Variants in RBFOX1 observed in about 807,000 individuals in gnomAD.
RBFOX1 encodes the protein RNA binding protein fox-1 homolog 1.
Under a neutral mutation model 57.7 loss-of-function variants are expected in RBFOX1, and 8 were observed. The observed-to-expected ratio is 0.14, with a 90% CI of 0.08 to 0.25. The LOEUF (loss-of-function observed/expected upper bound fraction) is 0.25. RBFOX1 is among the 10% of genes least tolerant of loss of function. The pLI is 1.00. For synonymous variants in RBFOX1, 326 were observed against 222.4 expected (o/e 1.47, Z -4.15); for missense variants, 611 against 548.5 (o/e 1.11, Z -1.14).
At chr16:5,421,345 G>C (rs1223910946) in intron 1 of RBFOX1, among the ~76,000 whole-genome samples, 1 of 152,196 alleles carries the variant, frequency 6.6e-6, no homozygotes, top group Admixed American at 6.5e-5. Context: ...ATGGGATTCT[G>C]TGAAGGCAGC....
At chr16:6,318,669 G>A (rs1027050178) in intron 2 of RBFOX1, among the ~76,000 whole-genome samples, 8 of 152,064 alleles carry the variant, frequency 5.3e-5, no homozygotes, top group African/African-American at 1.9e-4. Flanking sequence ...TGGTCCCTAA[G>A]ATAATTAGTA....
chr16:5,906,705 C>T (rs976945652), intron 4 of RBFOX1, among the ~76,000 whole-genome samples: 1 of 144,734 alleles, frequency 6.9e-6, no homozygotes, highest in Non-Finnish European at 1.5e-5. Context: ...CCAGCAGCCG[C>T]TGAAGCCATG....
intron 4 of RBFOX1, among the ~76,000 whole-genome samples, chr16:5,995,628 G>A (rs1322848784): frequency 6.6e-6 from 1 of 152,194 alleles, no homozygotes; most frequent in Non-Finnish European, 1.5e-5. Context: ...TGGACAGACA[G>A]AAATCCTGGA....
At chr16:5,258,941 G>A (rs1392787895) in intron 1 of RBFOX1, among the ~76,000 whole-genome samples, 1 of 151,874 alleles carries the variant, frequency 6.6e-6, no homozygotes, top group Non-Finnish European at 1.5e-5. Context: ...TCTCACTGTG[G>A]TCTTATAATA....
intron 3 of RBFOX1, among the ~76,000 whole-genome samples, chr16:6,979,234 A>T (rs1298629343): frequency 1.3e-5 from 2 of 152,176 alleles, no homozygotes; most frequent in African/African-American, 4.8e-5. Flanking sequence ...GTAAGAGGTG[A>T]ATAAGAGAAA....
chr16:6,907,366 A>C (rs1357377502), intron 3 of RBFOX1, among the ~76,000 whole-genome samples: 1 of 152,170 alleles, frequency 6.6e-6, no homozygotes, highest in Non-Finnish European at 1.5e-5. Context: ...TCCTTGAGAG[A>C]ATGGCGGTAT....
At chr16:7,140,998 A>T (rs2073613095) in intron 4 of RBFOX1, among the ~76,000 whole-genome samples, 1 of 152,170 alleles carries the variant, frequency 6.6e-6, no homozygotes, top group Non-Finnish European at 1.5e-5. Flanking sequence ...CCTCGTTGGA[A>T]GTAATAATGA....
intron 1 of RBFOX1, among the ~76,000 whole-genome samples, chr16:5,329,245 T>A (rs904113201): frequency 2.0e-5 from 3 of 152,256 alleles, no homozygotes; most frequent in Middle Eastern, 3.4e-3. Flanking sequence ...AGAGGTTTAA[T>A]TGTCTCATGG....
intron 1 of RBFOX1, among the ~76,000 whole-genome samples, chr16:6,098,580 C>A (rs1273886950): frequency 6.6e-6 from 1 of 152,218 alleles, no homozygotes; most frequent in African/African-American, 2.4e-5. Flanking sequence ...AGAAACCCTG[C>A]TTCAGTCTTT....
chr16:7,180,785 GA>G (rs2082547656), intron 4 of RBFOX1, among the ~76,000 whole-genome samples: 1 of 151,522 alleles, frequency 6.6e-6, no homozygotes, highest in African/African-American at 2.4e-5. Flanking sequence ...TTACCACAGG[GA>G]AAGTTTATTT....
intron 1 of RBFOX1, among the ~76,000 whole-genome samples, chr16:5,314,452 G>T (rs1301895647): frequency 2.0e-5 from 3 of 152,198 alleles, no homozygotes; most frequent in African/African-American, 7.2e-5. Context: ...CGCTTCACTA[G>T]GTGCAGCAGG....
At chr16:6,154,700 G>T (rs1330309021) in intron 1 of RBFOX1, among the ~76,000 whole-genome samples, 2 of 152,286 alleles carry the variant, frequency 1.3e-5, no homozygotes, top group Non-Finnish European at 1.5e-5. Flanking sequence ...TGGGATGCGG[G>T]TTTGAGCAAA....
In RBFOX1 at chr16:6,334,818, T is replaced by C. The variant is rs146712472; in HGVS notation, c.-64+17761T>C. On this transcript the variant is annotated intron_variant, in intron 2 of 15. Transcript: ENST00000550418. ...GGAAGGGGAGGTGGCAGGTAACATA[T>C]ATACCAGCTTTTGCCATTCTGCTCT... Among the ~76,000 whole-genome samples, 52 of 152,316 alleles carry C rather than the reference T, an allele frequency of 3.4e-4. No homozygotes were observed. The East Asian group carries it at 0.01, about 29-fold the overall frequency.
rs1024662491 is a variant in RBFOX1 at position 5,733,959 on chromosome 16, G to T, written c.319-133344G>T. ...CATTTCCTTCATGCTTCCTGACCTC[G>T]ACCCTTCTCCTGTTCTGATGACTGG... is the stretch of plus-strand genomic sequence containing the variant. On this transcript the variant is annotated intron_variant, in intron 3 of 19. Coordinates refer to the RBFOX1 transcript ENST00000641259. Among the ~76,000 whole-genome samples the T allele has an allele frequency of 2.0e-5, 3 of 151,684 alleles. No homozygotes were observed. In the East Asian group the frequency reaches 5.8e-4, roughly 29 times the overall value.
intron 1 of RBFOX1, among the ~76,000 whole-genome samples, chr16:6,304,060 TG>T (rs200064047): frequency 0.065 from 9,814 of 151,670 alleles, 353 homozygotes; most frequent in South Asian, 0.095. Context: ...TCTGCCTGCC[TG>T]GGCCTCCCAA....
intron 3 of RBFOX1, among the ~76,000 whole-genome samples, chr16:6,802,183 C>A (rs1240266648): frequency 6.6e-6 from 1 of 152,078 alleles, no homozygotes; most frequent in Non-Finnish European, 1.5e-5. Flanking sequence ...GCTTTGGTTG[C>A]ATCCCAGCCT....
intron 5 of RBFOX1, among the ~76,000 whole-genome samples, chr16:7,572,881 A>C (rs1054197575): frequency 6.6e-6 from 1 of 152,158 alleles, no homozygotes; most frequent in Non-Finnish European, 1.5e-5. Context: ...CCAGCCCCAA[A>C]TGTCAATGGT....
chr16:5,692,380 C>T (rs1285492407), intron 3 of RBFOX1, among the ~76,000 whole-genome samples: 4 of 152,028 alleles, frequency 2.6e-5, no homozygotes, highest in Non-Finnish European at 4.4e-5. Flanking sequence ...CAAGAAAAAG[C>T]GGACCTCAGT....
intron 4 of RBFOX1, among the ~76,000 whole-genome samples, chr16:5,934,638 A>G (rs2059132114): frequency 6.6e-6 from 1 of 152,204 alleles, no homozygotes; most frequent in African/African-American, 2.4e-5. Context: ...AATATTTGAG[A>G]TGATGGATAT....
Sources: gnomAD v4.1 joint callset for allele counts (sites outside exome capture counted in the v4.1 genomes callset) on GRCh38, gnomAD v4.1.1 for gene constraint, MANE v1.5 for transcripts, NCBI Gene and HGNC (gene_info 2026-07-23, HGNC 2026-07-21) for gene names.